Variants in CNTN4 observed in about 807,000 individuals in gnomAD.
CNTN4 encodes contactin-4.
A neutral mutation model predicts 122.5 loss-of-function variants in CNTN4; 77 were observed. That is an observed-to-expected ratio of 0.63 (90% confidence interval 0.52 to 0.76). CNTN4 has a LOEUF of 0.76. Ranked by LOEUF, CNTN4 falls within the 30% of genes least tolerant of loss-of-function variation. The pLI is 0.00. For missense variants in CNTN4, 1,256 were observed against 1,259.1 expected (o/e 1.00, Z 0.04); for synonymous variants, 512 against 447.0 (o/e 1.15, Z -1.83).
intron 3 of CNTN4, among the ~76,000 whole-genome samples, chr3:2,524,952 G>C (rs757249763): frequency 5.9e-5 from 9 of 152,084 alleles, no homozygotes; most frequent in Non-Finnish European, 1.2e-4. Context: ...CTCTCAACCT[G>C]TCTCTAAAAT....
At chr3:2,435,355 TG>T (rs1419279057) in intron 3 of CNTN4, among the ~76,000 whole-genome samples, 1 of 152,152 alleles carries the variant, frequency 6.6e-6, no homozygotes, top group Admixed American at 6.5e-5. Context: ...AAATCACCTC[TG>T]GATTACTTAT....
chr3:2,471,368 T>A (rs139594277), intron 3 of CNTN4, among the ~76,000 whole-genome samples: 35 of 152,288 alleles, frequency 2.3e-4, no homozygotes, highest in African/African-American at 8.4e-4. Context: ...AAATAAGCAT[T>A]TATCTATGGA....
At chr3:2,832,957 G>A (rs1373970399) in intron 7 of CNTN4, among the ~76,000 whole-genome samples, 2 of 150,472 alleles carry the variant, frequency 1.3e-5, no homozygotes, top group Non-Finnish European at 3.0e-5. Flanking sequence ...CTATGTAAAT[G>A]AATAATAAAA....
intron 4 of CNTN4, among the ~76,000 whole-genome samples, chr3:2,657,658 A>T (rs945346310): frequency 6.6e-6 from 1 of 152,108 alleles, no homozygotes; most frequent in Non-Finnish European, 1.5e-5. Context: ...AGTTTCTCAG[A>T]TGGGTGAGTC....
At chr3:2,328,273 G>T (rs1261695275) in intron 2 of CNTN4, among the ~76,000 whole-genome samples, 28 of 150,144 alleles carry the variant, frequency 1.9e-4, no homozygotes, top group East Asian at 2.0e-4. Context: ...GGGCGTGGTG[G>T]CGGGCGCCTG....
intron 3 of CNTN4, among the ~76,000 whole-genome samples, chr3:2,357,927 A>G (rs906418991): frequency 2.6e-5 from 4 of 152,190 alleles, no homozygotes; most frequent in African/African-American, 9.7e-5. Context: ...ATCCTATTTC[A>G]TTTAGAAGTT....
At chr3:2,855,263 A>G (rs1447574939) in intron 7 of CNTN4, among the ~76,000 whole-genome samples, 2 of 152,172 alleles carry the variant, frequency 1.3e-5, no homozygotes, top group Non-Finnish European at 2.9e-5. Context: ...TTTCAGTTGC[A>G]GTGGCTCCTG....
At chr3:2,361,042 C>G (rs1392832351) in intron 3 of CNTN4, among the ~76,000 whole-genome samples, 1 of 152,080 alleles carries the variant, frequency 6.6e-6, no homozygotes, top group Admixed American at 6.5e-5. Flanking sequence ...TGTTGCTTTT[C>G]TTAAGCAGTT....
At chr3:2,373,643 T>C (rs963755925) in intron 3 of CNTN4, among the ~76,000 whole-genome samples, 2 of 152,186 alleles carry the variant, frequency 1.3e-5, no homozygotes, top group Non-Finnish European at 2.9e-5. Flanking sequence ...TGTTAATGGG[T>C]TTTAAGTAGG....
chr3:3,005,939 G>A (rs1201498256), intron 14 of CNTN4, among the ~76,000 whole-genome samples: 25 of 149,810 alleles, frequency 1.7e-4, no homozygotes, highest in Admixed American at 1.7e-3. Flanking sequence ...AGGCTGGAGT[G>A]CAGTGGCACG....
chr3:2,787,332 T>A (rs1389361725), intron 6 of CNTN4, among the ~76,000 whole-genome samples: 1 of 152,082 alleles, frequency 6.6e-6, no homozygotes, highest in Non-Finnish European at 1.5e-5. Context: ...GCCGAGATCA[T>A]GCCACTGCTC....
chr3:2,865,103 G>T (rs189070264), intron 7 of CNTN4, among the ~76,000 whole-genome samples: 1 of 152,278 alleles, frequency 6.6e-6, no homozygotes, highest in African/African-American at 2.4e-5. Flanking sequence ...TTTCTGGAAA[G>T]CACTTGTATA....
intron 2 of CNTN4, among the ~76,000 whole-genome samples, chr3:2,105,940 G>A (rs2032403198): frequency 6.6e-6 from 1 of 152,232 alleles, no homozygotes; most frequent in African/African-American, 2.4e-5. Flanking sequence ...CTGGGTCAAT[G>A]TTCCTATTCC....
chr3:2,418,706 T>C (rs2047506917), intron 3 of CNTN4, among the ~76,000 whole-genome samples: 1 of 152,192 alleles, frequency 6.6e-6, no homozygotes, highest in African/African-American at 2.4e-5. Flanking sequence ...ATTTCTGATA[T>C]ATAAAAGAAC....
chr3:2,768,363 G>A (rs185444645), intron 6 of CNTN4, among the ~76,000 whole-genome samples: 2 of 152,320 alleles, frequency 1.3e-5, no homozygotes, highest in African/African-American at 4.8e-5. Flanking sequence ...TGTGGCTACA[G>A]TTAGCAGGTA....
chr3:2,382,901 C>G (rs1159651344), intron 3 of CNTN4, among the ~76,000 whole-genome samples: 2 of 152,038 alleles, frequency 1.3e-5, no homozygotes, highest in African/African-American at 4.8e-5. Context: ...TGGTGAAACC[C>G]CCATCTCTAC....
intron 4 of CNTN4, among the ~76,000 whole-genome samples, chr3:2,702,761 G>A (rs114988873): frequency 0.012 from 1,855 of 152,282 alleles, 27 homozygotes; most frequent in African/African-American, 0.037. Flanking sequence ...TCATGTGCAC[G>A]TGAACTGTAT....
intron 3 of CNTN4, among the ~76,000 whole-genome samples, chr3:2,374,370 A>T (rs536854056): frequency 1.3e-5 from 2 of 152,310 alleles, no homozygotes; most frequent in East Asian, 3.9e-4. Context: ...TAACTCTAAT[A>T]CCTAAAAAGA....
chr3:2,599,278 A>T (rs1049435457), intron 4 of CNTN4, among the ~76,000 whole-genome samples: 19 of 152,206 alleles, frequency 1.2e-4, no homozygotes, highest in African/African-American at 4.3e-4. Context: ...TGAGGCTTAT[A>T]GAATTTAAGT....
Sources: allele counts gnomAD v4.1 joint callset (sites outside exome capture counted in the v4.1 genomes callset), GRCh38; gene constraint gnomAD v4.1.1; transcripts MANE v1.5; gene names NCBI Gene and HGNC (gene_info 2026-07-23, HGNC 2026-07-21).